The following ITGA9 variants were observed in gnomAD, a reference collection of about 807,000 sequenced individuals.
ITGA9 encodes integrin alpha-9.
In ITGA9, 56 loss-of-function variants were observed where a neutral mutation model predicts 127.8. That is an observed-to-expected ratio of 0.44 (90% CI 0.35 to 0.55). The LOEUF is 0.55. ITGA9 is among the 20% of genes least tolerant of loss of function. The pLI, the probability that ITGA9 is intolerant of heterozygous loss-of-function variation, is 0.00. For missense variants in ITGA9, 1,196 were observed against 1,347.1 expected, an observed-to-expected ratio of 0.89 and a Z score of 1.76; for synonymous variants, 508 against 514.5, an observed-to-expected ratio of 0.99 and a Z score of 0.17.
intron 15 of ITGA9, among the ~76,000 whole-genome samples, chr3:37,555,722 A>G (rs1174887792): frequency 6.6e-6 from 1 of 152,222 alleles, no homozygotes. Flanking sequence ...CCTGAGTTGC[A>G]AGTGTACCAT....
rs997309831 is a variant in ITGA9 at position 37,452,406 on chromosome 3, G to A, written c.32G>A (p.Gly11Glu). Residue 11 changes from glycine (G) to glutamate (E), a missense_variant, in exon 1 of 28, where the codon GGG (glycine) becomes GAG (glutamate). Coordinates refer to ENST00000264741, the MANE Select transcript of ITGA9 (RefSeq NM_002207.3). The surrounding 1 kb of genome is among the most constrained non-coding windows in gnomAD (Gnocchi z 7.3). ...GGCCCGGCTGCGCCGAGGGGCGCCG[G>A]GAGGCTCCGCGCGCTGCTGCTGGCG... MGGPAAPRGA[G>E]RLRALLLALV... The A allele has an allele frequency of 3.6e-5, 51 of 1,415,656 alleles. No individual in the cohort carries two copies. In the African/African-American group the frequency reaches 6.3e-4, roughly 18 times the overall value. The allele number at this position is 1,415,656 out of a possible 1,614,324, so 87.7% of individuals were successfully genotyped here. A position where few individuals can be genotyped will look rare whatever the true frequency, so the allele number is the denominator to read the frequency against.
intron 4 of ITGA9, among the ~76,000 whole-genome samples, chr3:37,489,883 G>A (rs1698650400): frequency 6.6e-6 from 1 of 152,142 alleles, no homozygotes; most frequent in South Asian, 2.1e-4. Context: ...ACTGAAGCGT[G>A]CGACTTGTGG....
At chr3:37,494,615 T>C (rs1698708163) in intron 5 of ITGA9, 47 bp downstream of exon 5, 1 of 1,511,836 alleles carries the variant, frequency 6.6e-7, no homozygotes, top group African/African-American at 1.4e-5. Flanking sequence ...TGGGTGTTCA[T>C]TTCCTTGCTT....
At chr3:37,477,189 T>C (rs938737190) in intron 3 of ITGA9, among the ~76,000 whole-genome samples, 8 of 152,208 alleles carry the variant, frequency 5.3e-5, no homozygotes, top group Non-Finnish European at 1.2e-4. Context: ...GGATATGTGT[T>C]GTTCAGGTGC....
At chr3:37,775,125 T>A (rs957022791) in intron 23 of ITGA9, among the ~76,000 whole-genome samples, 4 of 152,194 alleles carry the variant, frequency 2.6e-5, no homozygotes, top group Non-Finnish European at 2.9e-5. Context: ...AAACTATGCA[T>A]CTGACGAAGG....
At chr3:37,520,515 C>T (rs1233307439) in intron 11 of ITGA9, among the ~76,000 whole-genome samples, 2 of 152,210 alleles carry the variant, frequency 1.3e-5, no homozygotes, top group African/African-American at 4.8e-5. Flanking sequence ...TAACCACCAT[C>T]CTCAACTCCA....
intron 4 of ITGA9, among the ~76,000 whole-genome samples, chr3:37,488,797 CAA>C (rs768433502): frequency 2.4e-5 from 3 of 125,418 alleles, no homozygotes; most frequent in African/African-American, 2.9e-5. Context: ...GACTCTGTCT[CAA>C]AAAAAAAAAA....
At chr3:37,710,815 A>G (rs1347437357) in intron 18 of ITGA9, among the ~76,000 whole-genome samples, 2 of 152,196 alleles carry the variant, frequency 1.3e-5, no homozygotes, top group Non-Finnish European at 2.9e-5. Context: ...ATGAGGGGCA[A>G]GGCTCTGGCC....
At chr3:37,592,243 C>T (rs1699827727) in intron 15 of ITGA9, among the ~76,000 whole-genome samples, 1 of 152,180 alleles carries the variant, frequency 6.6e-6, no homozygotes, top group South Asian at 2.1e-4. Flanking sequence ...GCAACAAACC[C>T]TCAGTTTTCA....
chr3:37,589,206 G>A (rs776784706), intron 15 of ITGA9, among the ~76,000 whole-genome samples: 80 of 152,164 alleles, frequency 5.3e-4, no homozygotes, highest in Non-Finnish European at 6.2e-4. Context: ...GAACATCAGC[G>A]AATTGTAGCC....
At chr3:37,666,844 C>G (rs1473102585) in intron 17 of ITGA9, among the ~76,000 whole-genome samples, 1 of 152,192 alleles carries the variant, frequency 6.6e-6, no homozygotes, top group East Asian at 1.9e-4. Flanking sequence ...ATGATTGGCA[C>G]TTTGTCCTGC....
intron 15 of ITGA9, among the ~76,000 whole-genome samples, chr3:37,605,407 G>A (rs1575164454): frequency 6.6e-6 from 1 of 152,118 alleles, no homozygotes; most frequent in Non-Finnish European, 1.5e-5. Context: ...GGTCTTGTTT[G>A]GAGAATGGAC....
At chr3:37,595,118 A>G (rs1283026156) in intron 15 of ITGA9, among the ~76,000 whole-genome samples, 1 of 149,368 alleles carries the variant, frequency 6.7e-6, no homozygotes, top group Non-Finnish European at 1.5e-5. Flanking sequence ...TTTTTTTTTG[A>G]CTTTGAGACA....
chr3:37,750,051 C>G (rs187049687), intron 22 of ITGA9, among the ~76,000 whole-genome samples: 1,940 of 150,916 alleles, frequency 0.013, 22 homozygotes, highest in Non-Finnish European at 0.016. Flanking sequence ...TCCATACCCC[C>G]CCACCAAAAT....
intron 16 of ITGA9, among the ~76,000 whole-genome samples, chr3:37,640,647 C>T (rs969462220): frequency 4.6e-5 from 7 of 152,258 alleles, no homozygotes; most frequent in South Asian, 4.2e-4. Flanking sequence ...AGCTGAACTC[C>T]GGTAACTTAT....
At chr3:37,672,022 T>A (rs1258408188) in intron 17 of ITGA9, among the ~76,000 whole-genome samples, 1 of 151,974 alleles carries the variant, frequency 6.6e-6, no homozygotes, top group Non-Finnish European at 1.5e-5. Context: ...TTTTTTCAAG[T>A]GTATTTGAAT....
intron 1 of ITGA9, among the ~76,000 whole-genome samples, chr3:37,459,905 TG>T (rs1559511819): frequency 6.6e-6 from 1 of 152,108 alleles, no homozygotes; most frequent in African/African-American, 2.4e-5. Flanking sequence ...TGGCTACTCT[TG>T]GGGGGATGCT....
intron 20 of ITGA9, among the ~76,000 whole-genome samples, chr3:37,737,258 C>T (rs1431020235): frequency 6.6e-6 from 1 of 152,196 alleles, no homozygotes; most frequent in African/African-American, 2.4e-5. Context: ...GAGACAGGCC[C>T]AGGGGGGTGA....
intron 21 of ITGA9, among the ~76,000 whole-genome samples, chr3:37,743,343 A>G (rs1023433990): frequency 2.6e-5 from 4 of 152,332 alleles, no homozygotes; most frequent in South Asian, 2.1e-4. Flanking sequence ...ATGTGTTCAT[A>G]TAAGCAACAT....
Sources: gnomAD v4.1 joint callset for allele counts (sites outside exome capture counted in the v4.1 genomes callset) on GRCh38, gnomAD v4.1.1 for gene constraint, Gnocchi (gnomAD v3.1) non-coding constraint, MANE v1.5 for transcripts, NCBI Gene and HGNC (gene_info 2026-07-23, HGNC 2026-07-21) for gene names.